The following ASIC2 variants were observed in gnomAD, a reference collection of about 807,000 sequenced individuals.
ASIC2 encodes the protein acid sensing ion channel subunit 2.
In ASIC2, 25 loss-of-function variants were observed where a neutral mutation model predicts 57.3. The ratio of observed to expected loss-of-function variants is 0.44; its 90% confidence interval spans 0.32 to 0.61. The LOEUF (loss-of-function observed/expected upper bound fraction) is 0.61, where lower values mean the gene tolerates loss of function less well. Ranked by LOEUF, ASIC2 falls within the 20% of genes least tolerant of loss-of-function variation. ASIC2 has a pLI of 0.06. For missense variants in ASIC2, 641 were observed against 738.1 expected (o/e 0.87, Z 1.52); for synonymous variants, 319 against 307.5 (o/e 1.04, Z -0.39).
At chr17:33,361,444 C>T (rs142464001) in intron 1 of ASIC2, among the ~76,000 whole-genome samples, 47 of 152,296 alleles carry the variant, frequency 3.1e-4, no homozygotes, top group African/African-American at 1.1e-3. Context: ...CCTTATGCAC[C>T]TGCAACCTCT....
chr17:33,695,174 A>G (rs914877991), intron 1 of ASIC2, among the ~76,000 whole-genome samples: 5 of 152,230 alleles, frequency 3.3e-5, no homozygotes, highest in Admixed American at 2.0e-4. Context: ...AAATCAAATG[A>G]TATTGGGAGA....
chr17:33,532,467 G>C (rs1029696452), intron 1 of ASIC2, among the ~76,000 whole-genome samples: 2 of 152,228 alleles, frequency 1.3e-5, no homozygotes, highest in East Asian at 1.9e-4. Context: ...AGGCTACTAT[G>C]ATGGGCCACT....
chr17:33,385,106 T>A (rs1312796641), intron 1 of ASIC2, among the ~76,000 whole-genome samples: 1 of 152,224 alleles, frequency 6.6e-6, no homozygotes, highest in Non-Finnish European at 1.5e-5. Flanking sequence ...CCTCATACTT[T>A]GTTGTAAGAA....
intron 1 of ASIC2, among the ~76,000 whole-genome samples, chr17:33,359,615 TCTC>T (rs1908520754): frequency 6.6e-6 from 1 of 152,094 alleles, no homozygotes; most frequent in Non-Finnish European, 1.5e-5. Flanking sequence ...ACCAAAAACT[TCTC>T]CCCTAAAGCT....
chr17:33,869,448 T>C (rs573018145), intron 1 of ASIC2, among the ~76,000 whole-genome samples: 39 of 152,322 alleles, frequency 2.6e-4, no homozygotes, highest in Non-Finnish European at 4.9e-4. Context: ...TGAATGTTCA[T>C]AGTACCATTA....
chr17:33,664,724 G>A (rs1907414186), intron 1 of ASIC2, among the ~76,000 whole-genome samples: 1 of 152,172 alleles, frequency 6.6e-6, no homozygotes, highest in African/African-American at 2.4e-5. Context: ...CATTGTGATG[G>A]ACTCAGTTCA....
At chr17:33,238,269 G>A (rs1455165958) in intron 1 of ASIC2, among the ~76,000 whole-genome samples, 1 of 152,182 alleles carries the variant, frequency 6.6e-6, no homozygotes, top group East Asian at 1.9e-4. Flanking sequence ...AAGATTTTTG[G>A]ACTACGAGGC....
chr17:33,712,840 T>C (rs968151297), intron 1 of ASIC2, among the ~76,000 whole-genome samples: 1 of 150,712 alleles, frequency 6.6e-6, no homozygotes, highest in African/African-American at 2.4e-5. Context: ...AGAGACGGGG[T>C]TTCACCGTTT....
At chr17:34,084,623 T>G (rs1910027251) in intron 1 of ASIC2, among the ~76,000 whole-genome samples, 1 of 152,218 alleles carries the variant, frequency 6.6e-6, no homozygotes, top group South Asian at 2.1e-4. Context: ...ATCTATAAAT[T>G]ACCTTGGGCA....
At chr17:33,372,802 C>A (rs1199418905) in intron 1 of ASIC2, among the ~76,000 whole-genome samples, 24 of 152,314 alleles carry the variant, frequency 1.6e-4, no homozygotes. Flanking sequence ...GTCTGCACCT[C>A]AGGGTGGGAG....
At chr17:33,737,127 A>G (rs1325569830) in intron 1 of ASIC2, among the ~76,000 whole-genome samples, 1 of 152,280 alleles carries the variant, frequency 6.6e-6, no homozygotes, top group African/African-American at 2.4e-5. Context: ...TAATACAAAA[A>G]TGCTGCAACT....
chr17:33,074,636 C>T (rs1430021157), intron 3 of ASIC2, among the ~76,000 whole-genome samples: 2 of 152,188 alleles, frequency 1.3e-5, no homozygotes, highest in Admixed American at 6.5e-5. Flanking sequence ...GGCAGTATTG[C>T]TCAATGGTTA....
At chr17:33,820,584 G>T (rs1416763400) in intron 1 of ASIC2, among the ~76,000 whole-genome samples, 1 of 151,788 alleles carries the variant, frequency 6.6e-6, no homozygotes, top group Non-Finnish European at 1.5e-5. Context: ...TTGTTCTAAG[G>T]GTAAAAGTGT....
intron 1 of ASIC2, among the ~76,000 whole-genome samples, chr17:33,940,322 A>C (rs317419): frequency 0.89 from 135,628 of 152,174 alleles, 60,706 homozygotes; most frequent in African/African-American, 0.97. Context: ...GGTTGGCCAG[A>C]CTGTGCCATC....
At chr17:33,321,381 C>A (rs750264884) in intron 1 of ASIC2, among the ~76,000 whole-genome samples, 16 of 152,110 alleles carry the variant, frequency 1.1e-4, no homozygotes, top group Non-Finnish European at 2.4e-4. Context: ...AATGTGAAAC[C>A]TGAGGCTCAG....
intron 1 of ASIC2, among the ~76,000 whole-genome samples, chr17:34,091,661 T>A (rs1171325831): frequency 6.6e-6 from 1 of 152,168 alleles, no homozygotes; most frequent in Non-Finnish European, 1.5e-5. Context: ...AAGAAGTGAA[T>A]GAGAGAAAGA....
chr17:33,391,521 T>C (rs1909889925), intron 1 of ASIC2, among the ~76,000 whole-genome samples: 1 of 152,174 alleles, frequency 6.6e-6, no homozygotes, highest in African/African-American at 2.4e-5. Flanking sequence ...TCCCAGAGAC[T>C]CAGTTCTTTG....
chr17:34,039,320 A>C, intron 1 of ASIC2: 1 of 1,613,908 alleles, frequency 6.2e-7, no homozygotes, highest in Admixed American at 1.7e-5. Flanking sequence ...GATCCCGTAG[A>C]TGAGGGACTG....
intron 1 of ASIC2, among the ~76,000 whole-genome samples, chr17:33,830,593 A>G (rs1041355979): frequency 2.0e-5 from 3 of 152,110 alleles, no homozygotes; most frequent in Admixed American, 6.5e-5. Flanking sequence ...TATATGCAGA[A>G]AGTGCAAGTT....
Sources: allele counts gnomAD v4.1 joint callset (sites outside exome capture counted in the v4.1 genomes callset), GRCh38; gene constraint gnomAD v4.1.1; transcripts MANE v1.5; gene names NCBI Gene and HGNC (gene_info 2026-07-23, HGNC 2026-07-21).